HSCB: variants seen among roughly 807,000 people sequenced by gnomAD.
The protein encoded by HSCB is iron-sulfur cluster co-chaperone protein HscB.
Under a neutral mutation model 31.3 loss-of-function variants are expected in HSCB, and 23 were observed. The observed-to-expected ratio is 0.74, with a 90% CI of 0.53 to 1.04. The LOEUF (loss-of-function observed/expected upper bound fraction) is 1.04. Ranked by LOEUF, HSCB falls within the 50% of genes least tolerant of loss-of-function variation. HSCB has a pLI of 0.00. For synonymous variants in HSCB, 110 were observed against 104.5 expected, an observed-to-expected ratio of 1.05 and a Z score of -0.32; for missense variants, 297 against 288.1, an observed-to-expected ratio of 1.03 and a Z score of -0.22.
chr22:28,746,898 CAA>C (rs71194793), intron 4 of HSCB, among the ~76,000 whole-genome samples: 89 of 124,704 alleles, frequency 7.1e-4, no homozygotes, highest in African/African-American at 6.3e-4. Flanking sequence ...GACTCCGTCT[CAA>C]AAAAAAAAAA....
intron 1 of HSCB, chr22:28,742,637 C>A: frequency 1.0e-5 from 4 of 398,124 alleles, no homozygotes; most frequent in Non-Finnish European, 9.1e-6. Flanking sequence ...GCGGTACCTA[C>A]GGGAAAGGGA....
rs2054635328 is a variant in HSCB at position 28,743,756 on chromosome 22, T to TA, written c.237-125dup. The TA allele has an allele frequency of 8.1e-6, 6 of 745,026 alleles. No homozygotes were observed. In the South Asian group the frequency reaches 9.4e-5, roughly 12 times the overall value. The allele number at this position is 745,026 out of a possible 1,614,324, so 46.2% of individuals were successfully genotyped here. A position where few individuals can be genotyped will look rare whatever the true frequency, so the allele number is the denominator to read the frequency against. On this transcript the variant is annotated intron_variant, in intron 1 of 5. Coordinates refer to ENST00000216027, the MANE Select transcript of HSCB (RefSeq NM_172002.5). ...CTGTTCTGTGTCCCTTCATAGGACT[T>TA]ACCACTTTTTGAAATTAACTGCTTA...
intron 4 of HSCB, among the ~76,000 whole-genome samples, chr22:28,747,883 C>A (rs1047227039): frequency 4.7e-5 from 7 of 149,148 alleles, no homozygotes; most frequent in African/African-American, 1.7e-4. Flanking sequence ...CTTTCCCCCC[C>A]AAAAAAATCT....
At chr22:28,756,465 C>T (rs2030603142) in intron 5 of HSCB, among the ~76,000 whole-genome samples, 1 of 133,362 alleles carries the variant, frequency 7.5e-6, no homozygotes, top group Non-Finnish European at 1.6e-5. Flanking sequence ...CAACCACCCA[C>T]CCTTTTTTTT....
chr22:28,755,641 AC>A (rs762076800), intron 5 of HSCB, among the ~76,000 whole-genome samples: 2 of 152,058 alleles, frequency 1.3e-5, no homozygotes, highest in Admixed American at 1.3e-4. Flanking sequence ...TCCTTCTGTG[AC>A]TTTTTTGCTT....
rs2054579475 is a variant in HSCB at position 28,742,263 on chromosome 22, C to T, written c.168C>T (p.Phe56=). ...GGGGCCCCGGGCGGGAGGACAGGTTCTTCTGCCCACAGTGCCGAGCGCTGC... is the reference window on the plus strand; with the variant it reads ...GGGGCCCCGGGCGGGAGGACAGGTTTTTCTGCCCACAGTGCCGAGCGCTGC... ...GPWGPGREDR[F]FCPQCRALQA... is the part of the protein sequence containing the mutation. The change falls in exon 1 of 6, where the codon TTC becomes TTT. Residue 56 remains phenylalanine, a synonymous_variant. Transcript: ENST00000216027. 6.2e-7 allele frequency: 1 copy of T among 1,614,096 alleles called. No homozygotes were observed. The highest frequency in any genetic ancestry group is 1.1e-5 in the South Asian group (1 of 91,080).
chr22:28,742,997 C>G (rs2054609624), intron 1 of HSCB, among the ~76,000 whole-genome samples: 1 of 151,874 alleles, frequency 6.6e-6, no homozygotes, highest in African/African-American at 2.4e-5. Flanking sequence ...TAAAATAAAC[C>G]GGGAGAGACA....
At chr22:28,754,300 G>A (rs552741569) in intron 5 of HSCB, among the ~76,000 whole-genome samples, 1 of 152,138 alleles carries the variant, frequency 6.6e-6, no homozygotes, top group African/African-American at 2.4e-5. Flanking sequence ...TGGTGGTTGT[G>A]GGGGGATAGA....
chr22:28,751,307 T>A lies in HSCB; in HGVS notation c.616+19T>A, dbSNP rs2146219020. ...GAACAAGGTACTTTCTTTTCTTCACTTTCTTAAATATGGAAAGAAATTTCA... is the reference window on the plus strand; with the variant it reads ...GAACAAGGTACTTTCTTTTCTTCACATTCTTAAATATGGAAAGAAATTTCA... On this transcript the variant is annotated intron_variant, in intron 5 of 5. Coordinates refer to ENST00000216027, the MANE Select transcript of HSCB (RefSeq NM_172002.5). 6.6e-7 allele frequency: 1 copy of A among 1,516,164 alleles called. No homozygotes were observed. The highest frequency in any genetic ancestry group is 1.2e-5 in the South Asian group (1 of 84,938). 93.9% of individuals were successfully genotyped at this position (1,516,164 alleles called of 1,614,324 possible). A position where few individuals can be genotyped will look rare whatever the true frequency, so the allele number is the denominator to read the frequency against.
chr22:28,751,388 T>C (rs1187538835), intron 5 of HSCB, 100 bp downstream of exon 5: 1 of 659,840 alleles, frequency 1.5e-6, no homozygotes, highest in Non-Finnish European at 2.7e-6. Context: ...CTTCCTATGA[T>C]AGCTATATAG....
intron 5 of HSCB, among the ~76,000 whole-genome samples, chr22:28,752,697 G>C (rs2146221999): frequency 6.7e-6 from 1 of 150,276 alleles, no homozygotes; most frequent in South Asian, 2.1e-4. Flanking sequence ...TCGCGCCACT[G>C]CACTCCAGCC....
rs370995774 is a variant in HSCB at position 28,745,978 on chromosome 22, G to A, written c.538G>A (p.Ala180Thr). 2.5e-6 allele frequency: 4 copies of A among 1,613,020 alleles called. No individual in the cohort carries two copies. The African/African-American group carries it at 5.3e-5, about 22-fold the overall frequency. Residue 180 changes from alanine to threonine, a missense_variant, in exon 4 of 6, where the codon GCC (alanine) becomes ACC (threonine). Ala to Thr is a moderately conservative substitution (Grantham distance 58). Coordinates refer to ENST00000216027, the MANE Select transcript of HSCB (RefSeq NM_172002.5). ...ACTCGCAGAAGCTGAAAGTGAAGCT[G>A]CCATGAAAGAGATTGAATCCATTGT... ...EKLAEAESEA[A>T]MKEIESIVKA...
At chr22:28,745,398 A>C (rs1467053375) in intron 3 of HSCB, 2 of 152,476 alleles carry the variant, frequency 1.3e-5, no homozygotes, top group African/African-American at 4.8e-5. Flanking sequence ...AAATACAAAA[A>C]AATTAGCCGG....
intron 4 of HSCB, among the ~76,000 whole-genome samples, chr22:28,747,990 C>T (rs1432815168): frequency 1.3e-5 from 2 of 152,090 alleles, no homozygotes; most frequent in African/African-American, 2.4e-5. Context: ...TCAAGACCAT[C>T]CTGGGTAACA....
chr22:28,757,085 T>G lies in HSCB; in HGVS notation c.624T>G (p.Phe208Leu), dbSNP rs1397167278. 10 of 1,563,952 alleles carry G rather than the reference T, an allele frequency of 6.4e-6. No homozygotes were observed. The highest frequency in any genetic ancestry group is 7.9e-6 in the Non-Finnish European group (9 of 1,134,906). The stretch of plus-strand genomic sequence containing the variant: ...TGTCTCTGTCTATTTCAGATGACTT[T>G]GAAGAAGCCAAGGAAATTTTGACAA... Reference protein sequence around the residue: ...NVSSAFEQDDFEEAKEILTKM... With the variant: ...NVSSAFEQDDLEEAKEILTKM... The change falls in exon 6 of 6, where the codon TTT (phenylalanine) becomes TTG (leucine). Residue 208 changes from phenylalanine (F) to leucine (L), a missense_variant. Physicochemically the swap from Phe to Leu is conservative, Grantham distance 22 (BLOSUM62 0). Transcript: ENST00000216027.
At position 28,756,467 on chromosome 22, in the gene HSCB, C is replaced by CTT. The variant is rs11392708; in HGVS notation, c.617-596_617-595dup. ...AATTTTTAAAACACAACCACCCACC[C>CTT]TTTTTTTTTTTTTTTTAAAGAGACA... On this transcript the variant is annotated intron_variant, in intron 5 of 5. Transcript: ENST00000216027. Among the ~76,000 whole-genome samples the CTT allele has an allele frequency of 2.2e-3, 294 of 133,532 alleles. 2 individuals carry two copies. Among genetic ancestry groups the CTT allele is most frequent in the Middle Eastern group, 7.5e-3 (2 of 266 alleles). 87.6% of individuals were successfully genotyped at this position (133,532 alleles called of 152,430 possible).
At chr22:28,744,774 C>A (rs2054656854) in intron 3 of HSCB, 70 bp downstream of exon 3, 4 of 1,205,756 alleles carry the variant, frequency 3.3e-6, no homozygotes, top group Non-Finnish European at 4.9e-6. Context: ...CAGCCACGTC[C>A]CCTTTATTCA....
intron 5 of HSCB, among the ~76,000 whole-genome samples, chr22:28,751,631 A>G (rs1473250516): frequency 1.3e-5 from 2 of 152,046 alleles, no homozygotes; most frequent in Non-Finnish European, 1.5e-5. Context: ...CTGTAGTCCC[A>G]GCTACTTGGG....
chr22:28,753,883 G>T (rs1213077517), intron 5 of HSCB, among the ~76,000 whole-genome samples: 2 of 151,580 alleles, frequency 1.3e-5, no homozygotes, highest in African/African-American at 4.9e-5. Context: ...GGTGGCTCAC[G>T]CCTGTAATCC....
Sources: allele counts gnomAD v4.1 joint callset (sites outside exome capture counted in the v4.1 genomes callset), GRCh38; gene constraint gnomAD v4.1.1; transcripts MANE v1.5; gene names NCBI Gene and HGNC (gene_info 2026-07-23, HGNC 2026-07-21).